Variants in NTNG1 observed in about 807,000 individuals in gnomAD.
NTNG1 encodes netrin-G1.
NTNG1 carries 16 observed loss-of-function variants against 54.0 expected under a neutral mutation model. That is an observed-to-expected ratio of 0.30 (90% confidence interval 0.20 to 0.45). The LOEUF is 0.45. Ranked by LOEUF, NTNG1 falls within the 20% of genes least tolerant of loss-of-function variation. The pLI is 1.00. For synonymous variants in NTNG1, 255 were observed against 263.1 expected (o/e 0.97, Z 0.30); for missense variants, 530 against 678.7 (o/e 0.78, Z 2.43).
intron 2 of NTNG1, among the ~76,000 whole-genome samples, chr1:107,158,747 G>A (rs1348251538): frequency 1.3e-5 from 2 of 152,060 alleles, no homozygotes; most frequent in Non-Finnish European, 2.9e-5. Flanking sequence ...ATAGTGATTC[G>A]TATGAAGGAA....
At chr1:107,436,540 A>G (rs1675607273) in intron 6 of NTNG1, 125 bp from the exon 7 acceptor site, 4 of 718,044 alleles carry the variant, frequency 5.6e-6, no homozygotes. Context: ...TATTTGCCGA[A>G]GCATTTCATT....
intron 2 of NTNG1, among the ~76,000 whole-genome samples, chr1:107,153,791 C>T (rs1654767740): frequency 1.3e-5 from 2 of 152,136 alleles, no homozygotes; most frequent in South Asian, 4.1e-4. Flanking sequence ...CTCCAGGGGA[C>T]TATGGCTGGC....
chr1:107,194,950 T>G (rs967318029), intron 2 of NTNG1, among the ~76,000 whole-genome samples: 2 of 151,996 alleles, frequency 1.3e-5, no homozygotes, highest in Admixed American at 6.6e-5. Flanking sequence ...CCTTCCAAGT[T>G]TTTAATAGCT....
At chr1:107,425,953 G>C (rs371972787) in intron 5 of NTNG1, among the ~76,000 whole-genome samples, 21 of 152,110 alleles carry the variant, frequency 1.4e-4, no homozygotes, top group African/African-American at 4.8e-4. Flanking sequence ...ATTTTTTCAT[G>C]TGTTTGTTGG....
chr1:107,181,350 G>A (rs1030301700), intron 2 of NTNG1, among the ~76,000 whole-genome samples: 2 of 152,150 alleles, frequency 1.3e-5, no homozygotes, highest in African/African-American at 4.8e-5. Context: ...TATCAGTTAT[G>A]TATTGCATAA....
At chr1:107,426,073 A>G (rs1268585466) in intron 5 of NTNG1, among the ~76,000 whole-genome samples, 4 of 152,008 alleles carry the variant, frequency 2.6e-5, no homozygotes, top group African/African-American at 7.2e-5. Flanking sequence ...TAGATTTTAA[A>G]CATTGGTCTT....
chr1:107,428,493 T>C (rs1296083706), intron 5 of NTNG1, among the ~76,000 whole-genome samples: 1 of 152,018 alleles, frequency 6.6e-6, no homozygotes. Flanking sequence ...TGAACAAAGC[T>C]CTATTAATTA....
Position 107,289,243 on chromosome 1 carries a change from C to T in NTNG1, c.247-35039C>T, listed in dbSNP as rs1665417244. Among the ~76,000 whole-genome samples the T allele has an allele frequency of 2.6e-5, 4 of 152,140 alleles. No homozygotes were observed. The South Asian group carries it at 8.3e-4, about 31-fold the overall frequency. On this transcript the variant is annotated intron_variant, in intron 2 of 7. Coordinates refer to ENST00000370068, the MANE Select transcript of NTNG1 (RefSeq NM_001113226.3). Reference sequence around the variant, plus strand: ...ACCTGCTATGCTGGATTTCTCTCCTCTGTCTTCATCGGGAACCTTGTGCTA... The same window carrying T: ...ACCTGCTATGCTGGATTTCTCTCCTTTGTCTTCATCGGGAACCTTGTGCTA...
At chr1:107,462,128 G>T (rs965367774) in intron 7 of NTNG1, among the ~76,000 whole-genome samples, 2 of 152,178 alleles carry the variant, frequency 1.3e-5, no homozygotes, top group African/African-American at 4.8e-5. Flanking sequence ...CAGGTGGTCT[G>T]AAGCAAGGAT....
chr1:107,221,589 A>C (rs992742233), intron 2 of NTNG1, among the ~76,000 whole-genome samples: 1 of 152,204 alleles, frequency 6.6e-6, no homozygotes, highest in Non-Finnish European at 1.5e-5. Flanking sequence ...AAGAAAGAGC[A>C]GTAGGAATGT....
intron 7 of NTNG1, among the ~76,000 whole-genome samples, chr1:107,475,559 T>TA (rs1340778806): frequency 1.3e-5 from 2 of 152,196 alleles, no homozygotes; most frequent in Admixed American, 6.5e-5. Context: ...AATCCACTCT[T>TA]ACATTTCCAA....
chr1:107,480,569 T>TCCCCCCCCCCCCCCC, intron 7 of NTNG1, 42 bp from the exon 8 acceptor site: 18 of 609,580 alleles, frequency 3.0e-5, no homozygotes, highest in East Asian at 5.6e-5. Context: ...CTGCTTCTCC[T>TCCCCCCCCCCCCCCC]CCCCGCGCCC....
chr1:107,142,789 G>A (rs1653829639), intron 1 of NTNG1, among the ~76,000 whole-genome samples: 1 of 150,500 alleles, frequency 6.6e-6, no homozygotes, highest in Non-Finnish European at 1.5e-5. Flanking sequence ...TTTCAGGGGA[G>A]GCTTTTCTGT....
At chr1:107,247,827 T>C (rs556321833) in intron 2 of NTNG1, among the ~76,000 whole-genome samples, 8 of 152,214 alleles carry the variant, frequency 5.3e-5, no homozygotes, top group Non-Finnish European at 1.0e-4. Context: ...TTGAGAAGCT[T>C]TGTGGTTCTC....
At chr1:107,427,563 A>G (rs1674987833) in intron 5 of NTNG1, among the ~76,000 whole-genome samples, 1 of 152,104 alleles carries the variant, frequency 6.6e-6, no homozygotes, top group African/African-American at 2.4e-5. Flanking sequence ...TTGCATTTAT[A>G]TAGTACTCTC....
At chr1:107,439,983 C>T (rs1299550783) in intron 7 of NTNG1, among the ~76,000 whole-genome samples, 1 of 151,882 alleles carries the variant, frequency 6.6e-6, no homozygotes, top group African/African-American at 2.4e-5. Context: ...CTGACTTCCA[C>T]TTGCCCTGAG....
intron 4 of NTNG1, among the ~76,000 whole-genome samples, chr1:107,407,387 T>C (rs917198818): frequency 1.3e-5 from 2 of 152,098 alleles, no homozygotes; most frequent in African/African-American, 4.8e-5. Context: ...AAATGTTGGA[T>C]GTCAAAAGCT....
intron 4 of NTNG1, among the ~76,000 whole-genome samples, chr1:107,398,671 TTC>T (rs1672838776): frequency 6.6e-6 from 1 of 152,206 alleles, no homozygotes; most frequent in African/African-American, 2.4e-5. Context: ...CCAGTGTGTT[TTC>T]TTGGACTTTT....
chr1:107,388,423 G>A (rs1386240436), intron 3 of NTNG1, among the ~76,000 whole-genome samples: 3 of 152,188 alleles, frequency 2.0e-5, no homozygotes, highest in Non-Finnish European at 4.4e-5. Flanking sequence ...CAAAGTTCTG[G>A]AGGCAGGCTG....
Sources: gnomAD v4.1 joint callset for allele counts (sites outside exome capture counted in the v4.1 genomes callset) on GRCh38, gnomAD v4.1.1 for gene constraint, MANE v1.5 for transcripts, NCBI Gene and HGNC (gene_info 2026-07-23, HGNC 2026-07-21) for gene names.